The following STK24 variants were observed in gnomAD, a reference collection of about 807,000 sequenced individuals.
The protein encoded by STK24 is serine/threonine kinase 24.
STK24 carries 21 observed loss-of-function variants against 55.6 expected under a neutral mutation model. That is an observed-to-expected ratio of 0.38 (90% CI 0.27 to 0.54). STK24 has a LOEUF of 0.54. Ranked by LOEUF, STK24 falls within the 20% of genes least tolerant of loss-of-function variation. STK24 has a pLI of 0.79. For synonymous variants in STK24, 200 were observed against 215.2 expected (o/e 0.93, Z 0.62); for missense variants, 383 against 538.4 (o/e 0.71, Z 2.86).
intron 1 of STK24, among the ~76,000 whole-genome samples, chr13:98,521,526 A>G (rs182968991): frequency 1.6e-3 from 241 of 152,166 alleles, no homozygotes; most frequent in African/African-American, 4.1e-3. Context: ...TTTCAAGCTT[A>G]TCAATACCCC....
chr13:98,497,036 G>A (rs1449115985), intron 2 of STK24, among the ~76,000 whole-genome samples: 1 of 152,200 alleles, frequency 6.6e-6, no homozygotes, highest in Non-Finnish European at 1.5e-5. Flanking sequence ...CTAGGAGCAA[G>A]AAACCCATTT....
Position 98,466,571 on chromosome 13 carries a change from G to C in STK24, c.598-10C>G, listed in dbSNP as rs1174397237. The C allele has an allele frequency of 6.2e-7, 1 of 1,611,934 alleles. No individual in the cohort carries two copies. Among genetic ancestry groups the C allele is most frequent in the Admixed American group, 1.7e-5 (1 of 59,932 alleles). ...GGGACCAGATGTCTGCCTGCAACAAGAAAAGCATCTTTACAAACACCAAGC... is the reference window on the plus strand; with the variant it reads ...GGGACCAGATGTCTGCCTGCAACAACAAAAGCATCTTTACAAACACCAAGC... On this transcript the variant is annotated splice_polypyrimidine_tract_variant and intron_variant, in intron 5 of 10. Transcript: ENST00000539966.
intron 1 of STK24, among the ~76,000 whole-genome samples, chr13:98,568,663 T>G (rs1318925179): frequency 6.6e-6 from 1 of 151,894 alleles, no homozygotes; most frequent in Non-Finnish European, 1.5e-5. Context: ...GGTCAGGAGT[T>G]CGAGACCTGC....
At chr13:98,571,886 T>C (rs1248667290) in intron 1 of STK24, among the ~76,000 whole-genome samples, 1 of 152,192 alleles carries the variant, frequency 6.6e-6, no homozygotes, top group Non-Finnish European at 1.5e-5. Context: ...TTCCCTGAAG[T>C]GCTGCAATGC....
intron 1 of STK24, among the ~76,000 whole-genome samples, chr13:98,531,899 G>A (rs1405068493): frequency 6.6e-6 from 1 of 152,140 alleles, no homozygotes; most frequent in Non-Finnish European, 1.5e-5. Flanking sequence ...GGAACTATTT[G>A]CTCTGTGATC....
chr13:98,474,781 G>T, intron 5 of STK24, 40 bp downstream of exon 5: 1 of 1,563,412 alleles, frequency 6.4e-7, no homozygotes, highest in Non-Finnish European at 8.6e-7. Flanking sequence ...GAGCCCTCCA[G>T]GCCTCGTGAG....
At chr13:98,460,319 A>G in intron 9 of STK24, 53 bp downstream of exon 9, 1 of 1,505,064 alleles carries the variant, frequency 6.6e-7, no homozygotes, top group Non-Finnish European at 9.2e-7. Flanking sequence ...AAGTGTGTCC[A>G]GCTTCTCCTT....
intron 5 of STK24, among the ~76,000 whole-genome samples, chr13:98,467,095 T>C (rs956819400): frequency 1.3e-5 from 2 of 152,260 alleles, no homozygotes; most frequent in Non-Finnish European, 2.9e-5. Context: ...GAGGAGGAGG[T>C]GGCCATGTAA....
Position 98,551,001 on chromosome 13 carries a change from A to C in STK24, c.42+25744T>G, listed in dbSNP as rs181953605. Among the ~76,000 whole-genome samples, 520 of 152,134 alleles carry C rather than the reference A, an allele frequency of 3.4e-3. 2 individuals are homozygous for C. The highest frequency in any genetic ancestry group is 0.012 in the African/African-American group (494 of 41,504). On this transcript the variant is annotated intron_variant, in intron 1 of 10. Transcript: ENST00000539966. ...TTGTGACCAGCCTATAAAAATCAAC[A>C]CTTGGCCGGGCGTGGTGGCTCACGC...
chr13:98,535,396 T>TACAC (rs1566392211), intron 1 of STK24, among the ~76,000 whole-genome samples: 28 of 60,120 alleles, frequency 4.7e-4, no homozygotes, highest in African/African-American at 2.3e-3. Flanking sequence ...TATATGTGTG[T>TACAC]ATACACACAC....
intron 2 of STK24, among the ~76,000 whole-genome samples, chr13:98,513,012 T>C (rs1895939298): frequency 1.3e-5 from 2 of 152,240 alleles, no homozygotes; most frequent in African/African-American, 2.4e-5. Flanking sequence ...CGGGGTCCAC[T>C]TGCTGCCCTC....
intron 1 of STK24, among the ~76,000 whole-genome samples, chr13:98,541,273 T>C (rs1896883077): frequency 6.6e-6 from 1 of 152,280 alleles, no homozygotes; most frequent in African/African-American, 2.4e-5. Flanking sequence ...ATAAAAACGC[T>C]CTTCCTCTCC....
At chr13:98,513,083 G>A (rs186752918) in intron 2 of STK24, among the ~76,000 whole-genome samples, 86 of 152,312 alleles carry the variant, frequency 5.6e-4, no homozygotes, top group East Asian at 5.8e-4. Context: ...CTTCCCAGGC[G>A]CTGTGTGAGC....
intron 1 of STK24, among the ~76,000 whole-genome samples, chr13:98,551,100 C>A (rs964114927): frequency 3.3e-5 from 5 of 152,188 alleles, no homozygotes; most frequent in African/African-American, 7.2e-5. Flanking sequence ...TCCTGGCTAA[C>A]ATGGTGAAAC....
chr13:98,494,094 G>A (rs1240945454), intron 2 of STK24, among the ~76,000 whole-genome samples: 1 of 145,414 alleles, frequency 6.9e-6, no homozygotes, highest in East Asian at 2.1e-4. Flanking sequence ...CGCCCGCCTC[G>A]GCCTCCCAAA....
intron 2 of STK24, among the ~76,000 whole-genome samples, chr13:98,485,718 A>G (rs1368152274): frequency 6.6e-6 from 1 of 152,276 alleles, no homozygotes; most frequent in East Asian, 1.9e-4. Flanking sequence ...GAGGTTAGAA[A>G]GATGGAGTCA....
intron 1 of STK24, among the ~76,000 whole-genome samples, chr13:98,563,883 A>G (rs1316574018): frequency 2.0e-5 from 3 of 152,024 alleles, no homozygotes; most frequent in African/African-American, 7.2e-5. Context: ...AAAGTTTCCA[A>G]TTCCTCATGT....
intron 2 of STK24, among the ~76,000 whole-genome samples, chr13:98,494,412 C>CAAAAATAAAAAAAAAAAAAAAAAAA: frequency 1.5e-5 from 1 of 66,726 alleles, no homozygotes; most frequent in Non-Finnish European, 3.0e-5. Context: ...AGACTCGTCT[C>CAAAAATAAAAAAAAAAAAAAAAAAA]AAAAAAAAAA....
chr13:98,476,606 A>G (rs922114975), intron 3 of STK24, among the ~76,000 whole-genome samples: 4 of 152,252 alleles, frequency 2.6e-5, no homozygotes, highest in Non-Finnish European at 5.9e-5. Context: ...ACAGAGCCCG[A>G]CAGTCCTTGC....
Sources: allele counts gnomAD v4.1 joint callset (sites outside exome capture counted in the v4.1 genomes callset), GRCh38; gene constraint gnomAD v4.1.1; transcripts MANE v1.5; gene names NCBI Gene and HGNC (gene_info 2026-07-23, HGNC 2026-07-21).